Variants in ADARB2 observed in about 807,000 individuals in gnomAD.
ADARB2 encodes inactive double-stranded RNA-specific editase B2.
In ADARB2, 25 loss-of-function variants were observed where a neutral mutation model predicts 62.2. That is an observed-to-expected ratio of 0.40 (90% CI 0.29 to 0.56). The LOEUF (loss-of-function observed/expected upper bound fraction) is 0.56. Ranked by LOEUF, ADARB2 falls within the 20% of genes least tolerant of loss-of-function variation. The probability of loss-of-function intolerance (pLI) is 0.43; values close to 1 mark genes in which losing one functional copy is unlikely to be tolerated. For synonymous variants in ADARB2, 572 were observed against 500.8 expected (o/e 1.14, Z -1.90); for missense variants, 1,071 against 1,077.4 (o/e 0.99, Z 0.08).
At chr10:1,328,505 GTTT>G (rs59593427) in intron 3 of ADARB2, among the ~76,000 whole-genome samples, 3 of 151,158 alleles carry the variant, frequency 2.0e-5, no homozygotes, top group African/African-American at 7.3e-5. Flanking sequence ...CCCGCGTCCT[GTTT>G]TTTTTTCTTG....
chr10:1,377,507 T>C (rs1588238065), intron 2 of ADARB2, among the ~76,000 whole-genome samples: 2 of 147,376 alleles, frequency 1.4e-5, no homozygotes, highest in South Asian at 4.4e-4. Flanking sequence ...GCTCCTGGGG[T>C]GTGTGTTTGT....
rs1834442400 is a variant in ADARB2 at position 1,674,943 on chromosome 10, G to GGGGGTACACGGATATTCTGGA, written c.100+62107_100+62108insTCCAGAATATCCGTGTACCCC. On this transcript the variant is annotated intron_variant, in intron 1 of 9. Transcript: ENST00000381312. ...GGATGCATGGATGTTCTGGAGGTTT[G>GGGGGTACACGGATATTCTGGA]GGTTTGGGGGTACACGGATATTCTG... The GGGGGTACACGGATATTCTGGA allele has an allele frequency of 3.1e-6, 3 of 981,654 alleles. No individual in the cohort carries two copies. The East Asian group carries it at 3.5e-4, about 113-fold the overall frequency. 60.8% of individuals were successfully genotyped at this position (981,654 alleles called of 1,614,324 possible).
chr10:1,696,672 T>C (rs1834750134), intron 1 of ADARB2, among the ~76,000 whole-genome samples: 1 of 152,176 alleles, frequency 6.6e-6, no homozygotes, highest in Non-Finnish European at 1.5e-5. Context: ...GAGAGATGAA[T>C]GCTTCTCAGG....
chr10:1,503,297 C>T (rs575855258), intron 1 of ADARB2, among the ~76,000 whole-genome samples: 1 of 151,928 alleles, frequency 6.6e-6, no homozygotes, highest in East Asian at 1.9e-4. Context: ...AGCAATCCTC[C>T]TGGCTCAGCT....
intron 1 of ADARB2, among the ~76,000 whole-genome samples, chr10:1,462,727 A>C (rs543740119): frequency 2.7e-5 from 4 of 148,882 alleles, no homozygotes; most frequent in African/African-American, 7.5e-5. Flanking sequence ...CTGTATGTGC[A>C]TGTGTGTATG....
chr10:1,401,662 G>C (rs1832664339), intron 1 of ADARB2, among the ~76,000 whole-genome samples: 2 of 152,196 alleles, frequency 1.3e-5, no homozygotes, highest in South Asian at 4.1e-4. Flanking sequence ...CATTTCTACC[G>C]AAGAGCGGCG....
At chr10:1,243,090 A>T (rs1218632164) in intron 4 of ADARB2, among the ~76,000 whole-genome samples, 1 of 152,114 alleles carries the variant, frequency 6.6e-6, no homozygotes, top group Non-Finnish European at 1.5e-5. Context: ...TCCACCAAAT[A>T]CTCCAAGCAA....
At chr10:1,658,316 T>C (rs1276945074) in intron 1 of ADARB2, among the ~76,000 whole-genome samples, 3 of 152,084 alleles carry the variant, frequency 2.0e-5, no homozygotes, top group African/African-American at 7.2e-5. Flanking sequence ...TCTCTCTATC[T>C]GATTCTGTCT....
intron 2 of ADARB2, among the ~76,000 whole-genome samples, chr10:1,374,625 G>A (rs1048089228): frequency 6.6e-6 from 1 of 152,172 alleles, no homozygotes; most frequent in Non-Finnish European, 1.5e-5. Flanking sequence ...TCTGCCCGCC[G>A]TATGCAGCGC....
intron 1 of ADARB2, among the ~76,000 whole-genome samples, chr10:1,677,623 G>C (rs1287637969): frequency 6.6e-6 from 1 of 152,160 alleles, no homozygotes; most frequent in Non-Finnish European, 1.5e-5. Context: ...CATGGATTTG[G>C]AGCTCAAGAA....
intron 3 of ADARB2, among the ~76,000 whole-genome samples, chr10:1,305,580 C>A (rs1379005365): frequency 6.6e-6 from 1 of 152,110 alleles, no homozygotes; most frequent in Admixed American, 6.5e-5. Flanking sequence ...GATACCAAAG[C>A]CTGGCAGAGA....
At chr10:1,481,959 A>C (rs1230166752) in intron 1 of ADARB2, among the ~76,000 whole-genome samples, 2 of 152,244 alleles carry the variant, frequency 1.3e-5, no homozygotes, top group African/African-American at 4.8e-5. Flanking sequence ...TTATCCAGAG[A>C]AAGTGTACAC....
At chr10:1,555,808 G>T (rs534515794) in intron 1 of ADARB2, among the ~76,000 whole-genome samples, 2 of 152,086 alleles carry the variant, frequency 1.3e-5, no homozygotes, top group Non-Finnish European at 2.9e-5. Context: ...GATGGCGTGC[G>T]CCTGTAACCC....
intron 1 of ADARB2, among the ~76,000 whole-genome samples, chr10:1,726,870 G>C (rs1395695991): frequency 6.6e-6 from 1 of 152,114 alleles, no homozygotes; most frequent in African/African-American, 2.4e-5. Context: ...ACAGCAGAGG[G>C]GCCAGGGAGA....
At chr10:1,387,074 T>G (rs1832531480) in intron 1 of ADARB2, among the ~76,000 whole-genome samples, 1 of 151,844 alleles carries the variant, frequency 6.6e-6, no homozygotes, top group Admixed American at 6.6e-5. Context: ...TCAGTGATAA[T>G]GAAAGTATAA....
In ADARB2 at chr10:1,662,649, G is replaced by C. The variant is rs544086574; in HGVS notation, c.100+74402C>G. Among the ~76,000 whole-genome samples, 12 of 152,320 alleles carry C rather than the reference G, an allele frequency of 7.9e-5. No individual in the cohort carries two copies. The East Asian group carries it at 2.1e-3, about 27-fold the overall frequency. Reference sequence around the variant, plus strand: ...ACTGTCAAATCTGGGTGAGGCTAGGGTCTGCAGTGAACTACGGCCCCTCGA... The same window carrying C: ...ACTGTCAAATCTGGGTGAGGCTAGGCTCTGCAGTGAACTACGGCCCCTCGA... On this transcript the variant is annotated intron_variant, in intron 1 of 9. Coordinates refer to ENST00000381312, the MANE Select transcript of ADARB2 (RefSeq NM_018702.4).
chr10:1,613,056 G>C (rs368306876), intron 1 of ADARB2, among the ~76,000 whole-genome samples: 14 of 152,194 alleles, frequency 9.2e-5, no homozygotes, highest in African/African-American at 2.9e-4. Context: ...TCTAGTGGGC[G>C]TAACAGAGCT....
intron 1 of ADARB2, among the ~76,000 whole-genome samples, chr10:1,383,475 C>G (rs1011385133): frequency 6.6e-6 from 1 of 151,562 alleles, no homozygotes; most frequent in Non-Finnish European, 1.5e-5. Context: ...CTGAAAGGCA[C>G]ATGTGGATAT....
intron 1 of ADARB2, among the ~76,000 whole-genome samples, chr10:1,497,292 GTC>G (rs1831705724): frequency 6.6e-6 from 1 of 152,114 alleles, no homozygotes; most frequent in South Asian, 2.1e-4. Flanking sequence ...ATGAACTAGG[GTC>G]TTTTTGATTA....
Sources: allele counts gnomAD v4.1 joint callset (sites outside exome capture counted in the v4.1 genomes callset), GRCh38; gene constraint gnomAD v4.1.1; transcripts MANE v1.5; gene names NCBI Gene and HGNC (gene_info 2026-07-23, HGNC 2026-07-21).